The following EYS variants were observed in gnomAD, a reference collection of about 807,000 sequenced individuals.
EYS encodes the protein EGF-like photoreceptor maintenance factor, also known as protein eyes shut homolog.
A neutral mutation model predicts 282.1 loss-of-function variants in EYS; 250 were observed. The observed-to-expected ratio is 0.89, with a 90% CI of 0.80 to 0.98. The LOEUF (loss-of-function observed/expected upper bound fraction) is 0.98. Ranked by LOEUF, EYS falls within the 50% of genes least tolerant of loss-of-function variation. EYS has a pLI of 0.00. For missense variants in EYS, 4,016 were observed against 3,709.0 expected, an observed-to-expected ratio of 1.08 and a Z score of -2.15; for synonymous variants, 1,355 against 1,282.9, an observed-to-expected ratio of 1.06 and a Z score of -1.20.
At chr6:64,081,332 A>G (rs1225229110) in intron 32 of EYS, among the ~76,000 whole-genome samples, 1 of 152,250 alleles carries the variant, frequency 6.6e-6, no homozygotes, top group African/African-American at 2.4e-5. Flanking sequence ...CTTTATGAGC[A>G]AATTGCATAA....
At chr6:65,286,906 G>T (rs1054619645) in intron 12 of EYS, among the ~76,000 whole-genome samples, 1 of 151,534 alleles carries the variant, frequency 6.6e-6, no homozygotes, top group Non-Finnish European at 1.5e-5. Context: ...ATTGTTGATT[G>T]ATTTCTTAAT....
chr6:64,129,951 A>G (rs1047950258), intron 31 of EYS, among the ~76,000 whole-genome samples: 69 of 152,194 alleles, frequency 4.5e-4, no homozygotes, highest in African/African-American at 1.5e-3. Flanking sequence ...GATATGTGGC[A>G]TTATTTCTGA....
chr6:64,393,288 A>T (rs187034011), intron 28 of EYS, among the ~76,000 whole-genome samples: 15 of 152,356 alleles, frequency 9.8e-5, no homozygotes, highest in African/African-American at 3.4e-4. Context: ...TTATAAGGCC[A>T]GCATCATTCT....
chr6:64,782,881 CA>C (rs533347016), intron 22 of EYS, among the ~76,000 whole-genome samples: 73 of 152,326 alleles, frequency 4.8e-4, no homozygotes, highest in Admixed American at 1.0e-3. Flanking sequence ...AAGTACATTA[CA>C]GTAGTCCTTT....
intron 24 of EYS, among the ~76,000 whole-genome samples, chr6:64,600,804 C>T (rs780521013): frequency 2.0e-4 from 31 of 152,160 alleles, no homozygotes; most frequent in Non-Finnish European, 3.1e-4. Context: ...TGAAAACACA[C>T]GTTTATCTAA....
At chr6:64,911,786 C>T (rs1768000355) in intron 16 of EYS, among the ~76,000 whole-genome samples, 1 of 152,086 alleles carries the variant, frequency 6.6e-6, no homozygotes, top group Admixed American at 6.6e-5. Context: ...GCCATTGATA[C>T]ATGAACAGTG....
At chr6:65,358,598 A>AGGTG in intron 8 of EYS, among the ~76,000 whole-genome samples, 1 of 60,502 alleles carries the variant, frequency 1.7e-5, no homozygotes, top group African/African-American at 6.9e-5. Context: ...TAGGTTTCTG[A>AGGTG]AGTGTGTGTG....
intron 22 of EYS, among the ~76,000 whole-genome samples, chr6:64,795,763 T>C (rs1774336908): frequency 6.6e-6 from 1 of 152,206 alleles, no homozygotes; most frequent in Non-Finnish European, 1.5e-5. Flanking sequence ...TATCCCCTAA[T>C]GAGCTGTGAC....
intron 12 of EYS, among the ~76,000 whole-genome samples, chr6:65,115,969 C>CTAT (rs752453956): frequency 6.6e-5 from 7 of 105,764 alleles, no homozygotes; most frequent in African/African-American, 2.6e-4. Flanking sequence ...TCTATCTAAT[C>CTAT]TATCTATCTA....
At chr6:63,778,425 T>G (rs1380999902) in intron 39 of EYS, among the ~76,000 whole-genome samples, 1 of 152,156 alleles carries the variant, frequency 6.6e-6, no homozygotes, top group Non-Finnish European at 1.5e-5. Context: ...ATTTTTTCTA[T>G]GCTTAGTCAT....
In EYS at chr6:65,002,093, T is replaced by C. The variant is rs983502758; in HGVS notation, c.2138-4390A>G. Reference sequence around the variant, plus strand: ...TGTTAATCAATGTGAACAATTTAAATTTAAATTGTCTATTATAATCATTAT... The same window carrying C: ...TGTTAATCAATGTGAACAATTTAAACTTAAATTGTCTATTATAATCATTAT... On this transcript the variant is annotated intron_variant, in intron 13 of 42. Coordinates refer to ENST00000503581, the MANE Select transcript of EYS (RefSeq NM_001142800.2). 9.5e-5 allele frequency among the ~76,000 whole-genome samples: 14 copies of C among 146,996 alleles called. 1 individual carries two copies. Among genetic ancestry groups the C allele is most frequent in the African/African-American group, 3.4e-4 (14 of 41,208 alleles).
At chr6:63,877,137 T>C (rs918903790) in intron 35 of EYS, among the ~76,000 whole-genome samples, 6 of 152,210 alleles carry the variant, frequency 3.9e-5, no homozygotes, top group African/African-American at 1.4e-4. Flanking sequence ...TAGTGCTTCC[T>C]TCAGGAGCTC....
intron 31 of EYS, among the ~76,000 whole-genome samples, chr6:64,126,823 A>G (rs932199777): frequency 6.6e-6 from 1 of 151,696 alleles, no homozygotes. Flanking sequence ...ATATACACAT[A>G]TATTTAAATA....
intron 22 of EYS, among the ~76,000 whole-genome samples, chr6:64,702,997 T>G (rs755713481): frequency 6.6e-6 from 1 of 152,136 alleles, no homozygotes; most frequent in South Asian, 2.1e-4. Flanking sequence ...CATTGTTAAA[T>G]AACAATGTGA....
intron 34 of EYS, among the ~76,000 whole-genome samples, chr6:63,995,732 T>C (rs930468744): frequency 3.4e-4 from 52 of 152,102 alleles, no homozygotes; most frequent in Admixed American, 7.2e-4. Flanking sequence ...CACTTATATG[T>C]AGAATCTAAA....
At chr6:64,606,419 T>C (rs1386524892) in intron 24 of EYS, among the ~76,000 whole-genome samples, 1 of 151,982 alleles carries the variant, frequency 6.6e-6, no homozygotes, top group East Asian at 1.9e-4. Context: ...GCATCTTGTT[T>C]TTATACCTCT....
chr6:64,442,887 C>T (rs112703170), intron 26 of EYS, among the ~76,000 whole-genome samples: 3 of 86,230 alleles, frequency 3.5e-5, no homozygotes, highest in Non-Finnish European at 8.7e-5. Context: ...ACTTCTGCCA[C>T]GGCAGTGCAG....
intron 12 of EYS, among the ~76,000 whole-genome samples, chr6:65,282,127 G>A (rs1259933775): frequency 1.3e-5 from 2 of 151,494 alleles, no homozygotes; most frequent in Non-Finnish European, 2.9e-5. Context: ...TTTCAGACAG[G>A]AGGGAAAAAA....
intron 26 of EYS, among the ~76,000 whole-genome samples, chr6:64,582,660 G>T (rs1184881097): frequency 6.8e-6 from 1 of 148,068 alleles, no homozygotes; most frequent in Non-Finnish European, 1.5e-5. Context: ...GAAAATGAAA[G>T]TATTTCAAAA....
Sources: allele counts gnomAD v4.1 joint callset (sites outside exome capture counted in the v4.1 genomes callset), GRCh38; gene constraint gnomAD v4.1.1; transcripts MANE v1.5; gene names NCBI Gene and HGNC (gene_info 2026-07-23, HGNC 2026-07-21).